Variants in CARS2 observed in about 807,000 individuals in gnomAD.
The protein encoded by CARS2 is cysteinyl-tRNA synthetase 2, mitochondrial.
CARS2 carries 52 observed loss-of-function variants against 68.8 expected under a neutral mutation model. The observed-to-expected ratio is 0.76, with a 90% CI of 0.61 to 0.95. The LOEUF (loss-of-function observed/expected upper bound fraction) is 0.95. Ranked by LOEUF, CARS2 falls within the 40% of genes least tolerant of loss-of-function variation. CARS2 has a pLI of 0.00. For synonymous variants in CARS2, 314 were observed against 303.6 expected (o/e 1.03, Z -0.36); for missense variants, 780 against 754.2 (o/e 1.03, Z -0.40).
intron 1 of CARS2, chr13:110,713,084 C>T (rs1488706286): frequency 2.1e-6 from 3 of 1,443,268 alleles, no homozygotes; most frequent in Middle Eastern, 2.5e-4. Flanking sequence ...CTTCCTTCCG[C>T]CTCCCGGAGG....
intron 6 of CARS2, among the ~76,000 whole-genome samples, chr13:110,681,729 A>G (rs1046441046): frequency 3.9e-5 from 6 of 152,224 alleles, no homozygotes; most frequent in Non-Finnish European, 1.5e-5. Flanking sequence ...AGACACTGGG[A>G]CGTGACTCAG....
intron 9 of CARS2, among the ~76,000 whole-genome samples, chr13:110,654,890 C>G (rs2062320787): frequency 7.9e-6 from 1 of 125,916 alleles, no homozygotes; most frequent in Admixed American, 1.0e-4. Context: ...GCCACTGCAC[C>G]AGGTACCCAG....
intron 8 of CARS2, chr13:110,666,608 A>C (rs2062656299): frequency 3.0e-6 from 3 of 985,432 alleles, no homozygotes; most frequent in Non-Finnish European, 3.6e-6. Context: ...AGAAAACCAG[A>C]GCACTTCTGC....
chr13:110,666,610 C>T (rs964524344), intron 8 of CARS2: 4 of 985,426 alleles, frequency 4.1e-6, no homozygotes, highest in African/African-American at 1.7e-5. Flanking sequence ...AAAACCAGAG[C>T]ACTTCTGCAC....
rs192427441 is a variant in CARS2 at position 110,655,737 on chromosome 13, C to G, written c.988-4637G>C. 7.1e-3 allele frequency among the ~76,000 whole-genome samples: 1,086 copies of G among 152,274 alleles called. 9 individuals are homozygous for G. The highest frequency in any genetic ancestry group is 0.017 in the Middle Eastern group (5 of 294). ...GTTTTCAAACTTTCTGAAATTAAAC[C>G]CATCATGTCTATAATCAAATTAAAA... On this transcript the variant is annotated intron_variant, in intron 9 of 14. Coordinates refer to ENST00000257347, the MANE Select transcript of CARS2 (RefSeq NM_024537.4).
chr13:110,698,990 C>A (rs908299791), intron 3 of CARS2, among the ~76,000 whole-genome samples: 1 of 150,782 alleles, frequency 6.6e-6, no homozygotes, highest in African/African-American at 2.4e-5. Context: ...CCAGCCTAGG[C>A]GACACAGTGT....
chr13:110,705,381 T>C lies in CARS2; in HGVS notation c.275+140A>G. 1 of 635,486 alleles carries C rather than the reference T, an allele frequency of 1.6e-6. No individual in the cohort carries two copies. The highest frequency in any genetic ancestry group is 2.1e-5 in the South Asian group (1 of 48,246). The allele number at this position is 635,486 out of a possible 1,614,324, so 39.4% of individuals were successfully genotyped here. A position where few individuals can be genotyped will look rare whatever the true frequency, so the allele number is the denominator to read the frequency against. On this transcript the variant is annotated intron_variant, in intron 2 of 14. Transcript: ENST00000257347. This position sits in a 1 kb window ranked among gnomAD's most constrained non-coding sequence, Gnocchi z 4.0. The stretch of plus-strand genomic sequence containing the variant: ...TCCCTATAAGAACCAAATGAGGTTG[T>C]AACATTTCCCACAATGCCTGGAATG...
chr13:110,711,893 A>C (rs1312706494), intron 1 of CARS2, among the ~76,000 whole-genome samples: 1 of 152,254 alleles, frequency 6.6e-6, no homozygotes, highest in African/African-American at 2.4e-5. Context: ...CTACTCTATA[A>C]ATACTGGACG....
Position 110,701,425 on chromosome 13 carries a change from C to A in CARS2, c.393+13G>T. On this transcript the variant is annotated intron_variant, in intron 3 of 14. Coordinates refer to ENST00000257347, the MANE Select transcript of CARS2 (RefSeq NM_024537.4). ...AATGGCATTATCAATAGATGTAACTCTTCTCCACTTACCTCATTGGCTCTT... is the reference window on the plus strand; with the variant it reads ...AATGGCATTATCAATAGATGTAACTATTCTCCACTTACCTCATTGGCTCTT... The A allele has an allele frequency of 8.8e-7, 1 of 1,131,216 alleles. No individual in the cohort carries two copies. Among genetic ancestry groups the A allele is most frequent in the South Asian group, 1.2e-5 (1 of 81,236 alleles). The allele number at this position is 1,131,216 out of a possible 1,614,324, so 70.1% of individuals were successfully genotyped here.
intron 9 of CARS2, among the ~76,000 whole-genome samples, chr13:110,659,124 G>A (rs1182820217): frequency 6.6e-6 from 1 of 152,010 alleles, no homozygotes; most frequent in Non-Finnish European, 1.5e-5. Context: ...GTGTCCATGT[G>A]CATACATGCT....
chr13:110,642,064 G>A (rs1887405974), intron 14 of CARS2, among the ~76,000 whole-genome samples: 1 of 151,954 alleles, frequency 6.6e-6, no homozygotes, highest in Non-Finnish European at 1.5e-5. Context: ...AGCCGAGCAT[G>A]GGAGTGCATG....
rs1029534457 is a variant in CARS2, at chr13:110,705,615, GA to G, written c.225-45del. On this transcript the variant is annotated intron_variant, in intron 1 of 14. Transcript: ENST00000257347. The surrounding 1 kb of genome is among the most constrained non-coding windows in gnomAD (Gnocchi z 4.0). ...TCCATCGTGTGGAACATATTTGCAA[GA>G]AAGGACATTCGATTCTGAGTTATAA... 1.9e-6 allele frequency: 3 copies of G among 1,565,786 alleles called. No individual in the cohort carries two copies. Among genetic ancestry groups the G allele is most frequent in the Non-Finnish European group, 2.6e-6 (3 of 1,136,156 alleles).
At chr13:110,697,574 C>T (rs780582808) in intron 3 of CARS2, among the ~76,000 whole-genome samples, 5 of 152,226 alleles carry the variant, frequency 3.3e-5, no homozygotes, top group Non-Finnish European at 5.9e-5. Context: ...TCTCGAGTAG[C>T]TGGGATTACA....
At position 110,706,114 on chromosome 13, in the gene CARS2, A is replaced by T; in HGVS notation, c.-21T>A. 1 of 1,291,266 alleles carries T rather than the reference A, an allele frequency of 7.7e-7. No individual in the cohort carries two copies. Among genetic ancestry groups the T allele is most frequent in the Non-Finnish European group, 9.8e-7 (1 of 1,022,478 alleles). The allele number at this position is 1,291,266 out of a possible 1,614,324, so 80.0% of individuals were successfully genotyped here. A position where few individuals can be genotyped will look rare whatever the true frequency, so the allele number is the denominator to read the frequency against. ...AACATGTCAGCGGCCAGCGCCTACG[A>T]CTGGGCGGAGACGGGAGCCACGCCG... On this transcript the variant is annotated 5_prime_UTR_variant, in exon 1 of 15. Transcript: ENST00000257347.
chr13:110,659,167 C>T (rs1594268480), intron 9 of CARS2, among the ~76,000 whole-genome samples: 1 of 152,098 alleles, frequency 6.6e-6, no homozygotes, highest in South Asian at 2.1e-4. Context: ...CACACGCTCA[C>T]CACTCCCATA....
chr13:110,706,343 G>T (rs113853514), upstream of CARS2: 87 of 287,438 alleles, frequency 3.0e-4, no homozygotes, highest in African/African-American at 1.5e-3. Context: ...GCGGTGCCGC[G>T]CCGGGAGGCC....
chr13:110,706,261 G>A (rs1376309587), upstream of CARS2: 1 of 413,564 alleles, frequency 2.4e-6, no homozygotes, highest in Non-Finnish European at 3.9e-6. Context: ...GGCTCGAGTC[G>A]CCCGCGGCAA....
rs1335989027 is a variant in CARS2, at chr13:110,663,606, G to C, written c.920-88C>G. On this transcript the variant is annotated intron_variant, in intron 8 of 14. Transcript: ENST00000257347. ...ACATGGCTCCCCAGGAAACGAATGGGAACCTGCACATATCCAATGTATAGA... is the reference window on the plus strand; with the variant it reads ...ACATGGCTCCCCAGGAAACGAATGGCAACCTGCACATATCCAATGTATAGA... 2.6e-6 allele frequency: 4 copies of C among 1,559,734 alleles called. No individual in the cohort carries two copies. In the Admixed American group the frequency reaches 8.1e-5, roughly 32 times the overall value.
chr13:110,648,335 G>C (rs778369079), intron 10 of CARS2: 1 of 152,244 alleles, frequency 6.6e-6, no homozygotes, highest in Non-Finnish European at 1.5e-5. Context: ...GACACAGCAA[G>C]ATGAGGCATC....
Sources: gnomAD v4.1 joint callset for allele counts (sites outside exome capture counted in the v4.1 genomes callset) on GRCh38, gnomAD v4.1.1 for gene constraint, Gnocchi (gnomAD v3.1) non-coding constraint, MANE v1.5 for transcripts, NCBI Gene and HGNC (gene_info 2026-07-23, HGNC 2026-07-21) for gene names.